The following ENDOD1 variants were observed in gnomAD, a reference collection of about 807,000 sequenced individuals.
ENDOD1 encodes the protein endonuclease domain containing 1, also known as endonuclease domain-containing 1 protein.
ENDOD1 carries 9 observed loss-of-function variants against 6.5 expected under a neutral mutation model. The observed-to-expected ratio is 1.39, with a 90% CI of 0.84 to 2.43. The LOEUF is 2.43. Among genes scored for constraint, ENDOD1 ranks in the 30% most tolerant of loss-of-function variants. ENDOD1 has a pLI of 0.00. For missense variants in ENDOD1, 648 were observed against 635.5 expected (o/e 1.02, Z -0.21); for synonymous variants, 255 against 255.2 (o/e 1.00, Z 0.01).
In ENDOD1 at chr11:95,129,238, A is replaced by G. The variant is rs115578164; in HGVS notation, c.1162A>G (p.Met388Val). The change falls in exon 2 of 2, where the codon ATG (methionine) becomes GTG (valine). Residue 388 changes from methionine (M) to valine (V), a missense_variant. Transcript: ENST00000278505. ...RLGSATISYF[M>V]AIGEELVSIP... ...GGGCTCAGCCACCATCTCATACTTC[A>G]TGGCCATTGGGGAAGAGTTGGTGAG... 929 of 1,614,140 alleles carry G rather than the reference A, an allele frequency of 5.8e-4. 10 individuals are homozygous for G. The African/African-American group carries it at 0.011, about 19-fold the overall frequency.
At chr11:95,118,997 A>G (rs1859237614) in intron 1 of ENDOD1, among the ~76,000 whole-genome samples, 1 of 152,184 alleles carries the variant, frequency 6.6e-6, no homozygotes, top group Non-Finnish European at 1.5e-5. Context: ...CAGCTCCAGA[A>G]TTCCTGCTTG....
At chr11:95,113,900 G>T (rs145673229) in intron 1 of ENDOD1, among the ~76,000 whole-genome samples, 2,354 of 152,174 alleles carry the variant, frequency 0.015, 54 homozygotes, top group African/African-American at 0.053. Flanking sequence ...GTGTAAGAGG[G>T]TTACTTTTTT....
intron 1 of ENDOD1, among the ~76,000 whole-genome samples, chr11:95,112,019 C>G (rs1420130928): frequency 2.0e-5 from 3 of 152,204 alleles, no homozygotes; most frequent in African/African-American, 7.2e-5. Context: ...GTTGCTCATA[C>G]CCAGTCACTT....
intron 1 of ENDOD1, among the ~76,000 whole-genome samples, chr11:95,116,643 G>A (rs1464578336): frequency 2.0e-5 from 3 of 152,070 alleles, no homozygotes; most frequent in South Asian, 2.1e-4. Flanking sequence ...TTCCCTCTTA[G>A]TATTGCTTTT....
chr11:95,130,555 A>G lies in ENDOD1; in HGVS notation c.*976A>G, dbSNP rs1353364491. On this transcript the variant is annotated 3_prime_UTR_variant, in exon 2 of 2. Coordinates refer to ENST00000278505, the MANE Select transcript of ENDOD1 (RefSeq NM_015036.3). The stretch of plus-strand genomic sequence containing the variant: ...GCAACATAGTAGATTTTTCTAATGC[A>G]TGAAATAAGTACCCAGCACAGTAAA... 23 of 152,318 alleles carry G rather than the reference A, an allele frequency of 1.5e-4. No homozygotes were observed. Among genetic ancestry groups the G allele is most frequent in the South Asian group, 2.1e-4 (1 of 4,830 alleles). 9.4% of individuals were successfully genotyped at this position (152,318 alleles called of 1,614,324 possible). A position where few individuals can be genotyped will look rare whatever the true frequency, so the allele number is the denominator to read the frequency against.
intron 1 of ENDOD1, among the ~76,000 whole-genome samples, chr11:95,115,704 G>A (rs1401733247): frequency 2.0e-5 from 3 of 152,034 alleles, no homozygotes; most frequent in Admixed American, 6.5e-5. Context: ...GTGAAGAGAT[G>A]TTGAATTCTA....
chr11:95,105,022 T>C (rs1283005815), intron 1 of ENDOD1, among the ~76,000 whole-genome samples: 1 of 152,144 alleles, frequency 6.6e-6, no homozygotes, highest in Admixed American at 6.5e-5. Flanking sequence ...GAGAGGGTCA[T>C]GTGTAAGAAA....
intron 1 of ENDOD1, among the ~76,000 whole-genome samples, chr11:95,109,788 T>C (rs1340917525): frequency 6.6e-6 from 1 of 152,270 alleles, no homozygotes; most frequent in Non-Finnish European, 1.5e-5. Context: ...GAGCCTGTCT[T>C]GCTCTTTACC....
intron 1 of ENDOD1, among the ~76,000 whole-genome samples, chr11:95,126,194 C>G (rs1185749746): frequency 6.6e-6 from 1 of 152,194 alleles, no homozygotes; most frequent in East Asian, 1.9e-4. Flanking sequence ...ATCCATTGCC[C>G]TCAATACCCC....
At position 95,089,938 on chromosome 11, in the gene ENDOD1, C is replaced by G; in HGVS notation, c.11C>G (p.Ala4Gly). 7.0e-7 allele frequency: 1 copy of G among 1,437,096 alleles called. No homozygotes were observed. Among genetic ancestry groups the G allele is most frequent in the Middle Eastern group, 1.8e-4 (1 of 5,482 alleles). The allele number at this position is 1,437,096 out of a possible 1,614,324, so 89.0% of individuals were successfully genotyped here. A position where few individuals can be genotyped will look rare whatever the true frequency, so the allele number is the denominator to read the frequency against. Residue 4 changes from alanine (A) to glycine (G), a missense_variant, in exon 1 of 2, where the codon GCG becomes GGG. Coordinates refer to ENST00000278505, the MANE Select transcript of ENDOD1 (RefSeq NM_015036.3). ...CTCGCAGAGGCCGCCATGGGCACCG[C>G]GCGCTGGCTCGCGCTGGGCAGCCTC... Reference protein sequence around the residue: MGTARWLALGSLFA... With the variant: MGTGRWLALGSLFA...
intron 1 of ENDOD1, among the ~76,000 whole-genome samples, chr11:95,092,473 AG>A (rs1174772693): frequency 5.3e-5 from 8 of 152,162 alleles, no homozygotes; most frequent in Non-Finnish European, 5.9e-5. Flanking sequence ...TGGAGATTAA[AG>A]AAGATGGGAA....
intron 1 of ENDOD1, among the ~76,000 whole-genome samples, chr11:95,092,197 A>C (rs1858937715): frequency 6.6e-6 from 1 of 152,086 alleles, no homozygotes; most frequent in Non-Finnish European, 1.5e-5. Flanking sequence ...TGAGAAAGGC[A>C]TGGCAGATTC....
chr11:95,122,161 T>G (rs952828644), intron 1 of ENDOD1, among the ~76,000 whole-genome samples: 9 of 152,044 alleles, frequency 5.9e-5, no homozygotes, highest in Admixed American at 5.2e-4. Flanking sequence ...TAAGTGACAA[T>G]GTATCAAAGA....
At chr11:95,106,523 G>A (rs1256941504) in intron 1 of ENDOD1, among the ~76,000 whole-genome samples, 3 of 152,144 alleles carry the variant, frequency 2.0e-5, no homozygotes, top group African/African-American at 4.8e-5. Context: ...GTTATTGAAG[G>A]TGTTAGAGTA....
At chr11:95,101,770 C>T (rs985026707) in intron 1 of ENDOD1, among the ~76,000 whole-genome samples, 2 of 152,202 alleles carry the variant, frequency 1.3e-5, no homozygotes, top group Non-Finnish European at 2.9e-5. Context: ...GCCCCTCAAA[C>T]AACCACCATA....
At chr11:95,091,545 T>A (rs181038660) in intron 1 of ENDOD1, among the ~76,000 whole-genome samples, 15 of 152,322 alleles carry the variant, frequency 9.8e-5, no homozygotes, top group Admixed American at 5.9e-4. Context: ...TCACAGGGTG[T>A]TCCCCACCTC....
At chr11:95,095,988 A>G (rs1383374537) in intron 1 of ENDOD1, among the ~76,000 whole-genome samples, 5 of 152,176 alleles carry the variant, frequency 3.3e-5, no homozygotes, top group Non-Finnish European at 5.9e-5. Context: ...CTAACATACC[A>G]TTCTGTATGT....
At chr11:95,125,724 G>C (rs1304192159) in intron 1 of ENDOD1, among the ~76,000 whole-genome samples, 1 of 151,834 alleles carries the variant, frequency 6.6e-6, no homozygotes, top group Admixed American at 6.6e-5. Flanking sequence ...ATAGTTTGCT[G>C]AGAATGATGG....
intron 1 of ENDOD1, among the ~76,000 whole-genome samples, chr11:95,111,184 A>G (rs868930621): frequency 1.2e-4 from 18 of 152,194 alleles, no homozygotes; most frequent in Non-Finnish European, 2.2e-4. Context: ...GGCCCCTGAC[A>G]TTTGCATAGA....
Sources: allele counts gnomAD v4.1 joint callset (sites outside exome capture counted in the v4.1 genomes callset), GRCh38; gene constraint gnomAD v4.1.1; transcripts MANE v1.5; gene names NCBI Gene and HGNC (gene_info 2026-07-23, HGNC 2026-07-21).